Variants in ROBO2 observed in about 807,000 individuals in gnomAD.
ROBO2 encodes the protein roundabout guidance receptor 2.
A neutral mutation model predicts 160.8 loss-of-function variants in ROBO2; 53 were observed. That is an observed-to-expected ratio of 0.33 (90% CI 0.26 to 0.41). The LOEUF is 0.41. Ranked by LOEUF, ROBO2 falls within the 10% of genes least tolerant of loss-of-function variation. ROBO2 has a pLI of 1.00. For missense variants in ROBO2, 1,577 were observed against 1,722.4 expected (o/e 0.92, Z 1.49); for synonymous variants, 664 against 611.7 (o/e 1.09, Z -1.26).
At chr3:76,567,819 T>A (rs2108564209) in intron 2 of ROBO2, among the ~76,000 whole-genome samples, 1 of 140,680 alleles carries the variant, frequency 7.1e-6, no homozygotes, top group South Asian at 2.3e-4. Flanking sequence ...TTTTTTTTTT[T>A]TTTTGGGGGG....
intron 2 of ROBO2, among the ~76,000 whole-genome samples, chr3:75,979,687 A>G (rs939887901): frequency 1.3e-5 from 2 of 151,564 alleles, no homozygotes; most frequent in Non-Finnish European, 3.0e-5. Context: ...CAATGTCTAT[A>G]TAAACTTCTT....
chr3:77,438,218 T>C (rs2079518339), intron 2 of ROBO2, among the ~76,000 whole-genome samples: 1 of 150,712 alleles, frequency 6.6e-6, no homozygotes, highest in Admixed American at 6.7e-5. Context: ...GATACATAGA[T>C]AGATAGATTG....
chr3:77,528,795 T>A (rs1434255901), intron 6 of ROBO2, among the ~76,000 whole-genome samples: 1 of 151,704 alleles, frequency 6.6e-6, no homozygotes, highest in Non-Finnish European at 1.5e-5. Context: ...AATTGAAACA[T>A]AAACTGCAGG....
At chr3:76,236,738 A>T (rs1273964502) in intron 2 of ROBO2, among the ~76,000 whole-genome samples, 2 of 152,110 alleles carry the variant, frequency 1.3e-5, no homozygotes, top group African/African-American at 4.8e-5. Context: ...TTTAAAGAAA[A>T]AAATACATGA....
At chr3:77,119,209 G>GA (rs1237920544) in intron 2 of ROBO2, among the ~76,000 whole-genome samples, 36 of 152,290 alleles carry the variant, frequency 2.4e-4, no homozygotes, top group African/African-American at 8.4e-4. Context: ...GCAGAACAGT[G>GA]AGTCAATTAA....
intron 2 of ROBO2, among the ~76,000 whole-genome samples, chr3:76,383,602 C>T (rs1272118033): frequency 6.6e-6 from 1 of 151,932 alleles, no homozygotes; most frequent in Non-Finnish European, 1.5e-5. Flanking sequence ...TTTTGTTTTT[C>T]ATTTGATGTG....
chr3:76,733,550 A>G (rs939927697), intron 2 of ROBO2, among the ~76,000 whole-genome samples: 1 of 152,248 alleles, frequency 6.6e-6, no homozygotes, highest in Non-Finnish European at 1.5e-5. Flanking sequence ...CATAAACTAA[A>G]TCATTTTATC....
chr3:77,289,128 T>C (rs2060848247), intron 2 of ROBO2, among the ~76,000 whole-genome samples: 2 of 152,110 alleles, frequency 1.3e-5, no homozygotes, highest in South Asian at 4.1e-4. Context: ...TGGGTGAAGT[T>C]GGTTGAAGTT....
chr3:77,328,127 C>T (rs2065622957), intron 2 of ROBO2, among the ~76,000 whole-genome samples: 2 of 151,390 alleles, frequency 1.3e-5, no homozygotes, highest in Non-Finnish European at 2.9e-5. Flanking sequence ...TTTACTCACC[C>T]GCTTTTCCTT....
chr3:76,910,737 A>G (rs1392132283), intron 2 of ROBO2, among the ~76,000 whole-genome samples: 10 of 148,410 alleles, frequency 6.7e-5, no homozygotes, highest in Non-Finnish European at 5.9e-5. Context: ...AAAAAAAAAA[A>G]AAAAAAAGAA....
chr3:76,323,176 C>CACACACACA (rs1559763162), intron 2 of ROBO2, among the ~76,000 whole-genome samples: 6 of 143,762 alleles, frequency 4.2e-5, no homozygotes, highest in South Asian at 2.2e-4. Context: ...CACACACACA[C>CACACACACA]CCCTAAAGGC....
At chr3:76,945,806 T>G (rs2078500962) in intron 2 of ROBO2, among the ~76,000 whole-genome samples, 1 of 152,256 alleles carries the variant, frequency 6.6e-6, no homozygotes, top group Non-Finnish European at 1.5e-5. Flanking sequence ...TGACTATATT[T>G]AGCATCTCCT....
chr3:76,573,215 G>GTATC (rs2085060751), intron 2 of ROBO2, among the ~76,000 whole-genome samples: 1 of 152,056 alleles, frequency 6.6e-6, no homozygotes, highest in African/African-American at 2.4e-5. Context: ...TCAGCCATGT[G>GTATC]ATTTGGGCAA....
In ROBO2 at chr3:76,913,106, A is replaced by T. The variant is rs149547929; in HGVS notation, c.110-184908A>T. ...ACTCCTTGTGAAAAATTTTAAATTA[A>T]TAAGGTGGGAGGACAAAGGAAAAGG... On this transcript the variant is annotated intron_variant, in intron 2 of 26. Transcript: ENST00000487694. 5.8e-3 allele frequency among the ~76,000 whole-genome samples: 887 copies of T among 152,272 alleles called. 10 individuals are homozygous for T. Among genetic ancestry groups the T allele is most frequent in the Non-Finnish European group, 8.2e-3 (558 of 68,020 alleles).
chr3:77,103,858 G>A (rs2072404734), intron 2 of ROBO2, among the ~76,000 whole-genome samples: 1 of 152,090 alleles, frequency 6.6e-6, no homozygotes, highest in Non-Finnish European at 1.5e-5. Flanking sequence ...GGCACAGGTG[G>A]CACTGAAAAT....
intron 2 of ROBO2, among the ~76,000 whole-genome samples, chr3:76,051,273 A>G (rs1449817157): frequency 2.6e-5 from 4 of 152,168 alleles, no homozygotes; most frequent in Non-Finnish European, 4.4e-5. Context: ...ATATGTCACT[A>G]TGGTCATAAG....
At chr3:76,848,922 C>T (rs1018988875) in intron 2 of ROBO2, among the ~76,000 whole-genome samples, 8 of 151,902 alleles carry the variant, frequency 5.3e-5, no homozygotes, top group South Asian at 2.1e-4. Flanking sequence ...AAGAAAAATT[C>T]GCATTTGGCA....
intron 6 of ROBO2, among the ~76,000 whole-genome samples, chr3:77,534,901 A>C (rs1299119433): frequency 6.6e-6 from 1 of 152,184 alleles, no homozygotes; most frequent in African/African-American, 2.4e-5. Flanking sequence ...GGTGCAGTTA[A>C]TTGATACACG....
At chr3:76,419,468 T>G (rs2075899868) in intron 2 of ROBO2, among the ~76,000 whole-genome samples, 1 of 151,952 alleles carries the variant, frequency 6.6e-6, no homozygotes. Flanking sequence ...TAACCTGGGC[T>G]CCAGTGAAAG....
Sources: gnomAD v4.1 joint callset for allele counts (sites outside exome capture counted in the v4.1 genomes callset) on GRCh38, gnomAD v4.1.1 for gene constraint, MANE v1.5 for transcripts, NCBI Gene and HGNC (gene_info 2026-07-23, HGNC 2026-07-21) for gene names.